ELAPOR1: variants seen among roughly 807,000 people sequenced by gnomAD.
The protein encoded by ELAPOR1 is endosome-lysosome associated apoptosis and autophagy regulator 1.
In ELAPOR1, 77 loss-of-function variants were observed where a neutral mutation model predicts 119.7. The observed-to-expected ratio is 0.64, with a 90% CI of 0.54 to 0.78. The LOEUF (loss-of-function observed/expected upper bound fraction) is 0.78. Ranked by LOEUF, ELAPOR1 falls within the 30% of genes least tolerant of loss-of-function variation. The pLI is 0.00. For synonymous variants in ELAPOR1, 481 were observed against 487.2 expected (o/e 0.99, Z 0.17); for missense variants, 1,115 against 1,270.4 (o/e 0.88, Z 1.86).
rs777889906 is a variant in ELAPOR1 at position 109,200,840 on chromosome 1, C to T, written c.2913C>T (p.Asp971=). ...CAIMEGEDVE[D]DLIFTSKKSL... is the part of the protein sequence containing the mutation. ...TCATGGAAGGCGAGGATGTAGAGGACGACCTCATCTTTACCAGCAAGAAGT... is the reference window on the plus strand; with the variant it reads ...TCATGGAAGGCGAGGATGTAGAGGATGACCTCATCTTTACCAGCAAGAAGT... The change falls in exon 21 of 22, where the codon GAC becomes GAT. Residue 971 remains aspartate (D), a synonymous_variant. Coordinates refer to ENST00000369939, the MANE Select transcript of ELAPOR1 (RefSeq NM_020775.5). The T allele has an allele frequency of 2.5e-5, 40 of 1,614,096 alleles. No individual in the cohort carries two copies. The highest frequency in any genetic ancestry group is 3.1e-5 in the Non-Finnish European group (37 of 1,180,058).
chr1:109,140,860 A>AT (rs1051349629), intron 1 of ELAPOR1, among the ~76,000 whole-genome samples: 2 of 152,062 alleles, frequency 1.3e-5, no homozygotes, highest in Non-Finnish European at 2.9e-5. Flanking sequence ...TTATTTATTT[A>AT]TTTTTTTCTG....
chr1:109,162,891 A>G (rs549301576), intron 2 of ELAPOR1, among the ~76,000 whole-genome samples: 1 of 152,380 alleles, frequency 6.6e-6, no homozygotes, highest in East Asian at 1.9e-4. Flanking sequence ...TGATGTGCAC[A>G]TGCAGTGTGA....
chr1:109,196,940 C>T (rs905170403), intron 15 of ELAPOR1, among the ~76,000 whole-genome samples: 8 of 152,150 alleles, frequency 5.3e-5, no homozygotes, highest in South Asian at 4.1e-4. Context: ...CTCGGCCTTC[C>T]GAAGTGCTGG....
chr1:109,135,696 T>TC (rs1281588203), intron 1 of ELAPOR1, among the ~76,000 whole-genome samples: 1 of 152,194 alleles, frequency 6.6e-6, no homozygotes, highest in East Asian at 1.9e-4. Context: ...CAATCCTAAA[T>TC]CCGTAGCTTA....
intron 15 of ELAPOR1, 124 bp downstream of exon 15, chr1:109,194,718 G>A (rs79758930): frequency 6.4e-6 from 5 of 782,450 alleles, no homozygotes; most frequent in Non-Finnish European, 8.2e-6. Context: ...AGCTTCAAAG[G>A]TTTTTACATA....
chr1:109,157,577 C>G (rs908217397), intron 1 of ELAPOR1, among the ~76,000 whole-genome samples: 2 of 152,176 alleles, frequency 1.3e-5, no homozygotes, highest in Non-Finnish European at 2.9e-5. Context: ...GCCTGCATAA[C>G]TATACAGCAG....
At chr1:109,129,923 G>A (rs190751986) in intron 1 of ELAPOR1, among the ~76,000 whole-genome samples, 4 of 152,284 alleles carry the variant, frequency 2.6e-5, no homozygotes, top group Non-Finnish European at 5.9e-5. Flanking sequence ...TGCAAGCCAG[G>A]AGTCTAAAAC....
chr1:109,189,174 T>A lies in ELAPOR1; in HGVS notation c.1328T>A (p.Phe443Tyr). 6.2e-7 allele frequency: 1 copy of A among 1,614,034 alleles called. No homozygotes were observed. Among genetic ancestry groups the A allele is most frequent in the Non-Finnish European group, 8.5e-7 (1 of 1,179,966 alleles). The stretch of plus-strand genomic sequence containing the variant: ...ACGACCGTTCTCAGTGGGATCAACT[T>A]CGAGTACAAGGGCATGACAGGTAAT... Reference protein sequence around the residue: ...METTVLSGINFEYKGMTGWEV... With the variant: ...METTVLSGINYEYKGMTGWEV... Residue 443 changes from phenylalanine to tyrosine, a missense_variant, in exon 10 of 22, where the codon TTC (phenylalanine) becomes TAC (tyrosine). Physicochemically the swap from Phe to Tyr is conservative, Grantham distance 22 (BLOSUM62 3). Coordinates refer to ENST00000369939, the MANE Select transcript of ELAPOR1 (RefSeq NM_020775.5).
At chr1:109,141,227 T>A (rs1449065212) in intron 1 of ELAPOR1, among the ~76,000 whole-genome samples, 1 of 152,122 alleles carries the variant, frequency 6.6e-6, no homozygotes, top group Non-Finnish European at 1.5e-5. Flanking sequence ...TATTCTAATA[T>A]AAATTGTTAG....
chr1:109,126,593 C>T (rs1648796935), intron 1 of ELAPOR1, among the ~76,000 whole-genome samples: 1 of 152,116 alleles, frequency 6.6e-6, no homozygotes, highest in Non-Finnish European at 1.5e-5. Context: ...GCCTCAGCCT[C>T]CCGGGTAACT....
intron 3 of ELAPOR1, among the ~76,000 whole-genome samples, chr1:109,169,356 C>T (rs1924760): frequency 0.44 from 66,575 of 151,970 alleles, 15,010 homozygotes; most frequent in African/African-American, 0.56. Flanking sequence ...TCTCCTGCCT[C>T]AGCCTCCTGA....
At chr1:109,177,454 C>T (rs1209457067) in intron 7 of ELAPOR1, among the ~76,000 whole-genome samples, 2 of 117,970 alleles carry the variant, frequency 1.7e-5, no homozygotes, top group East Asian at 2.7e-4. Context: ...ACATCTCAGA[C>T]GATGGGTGGC....
At chr1:109,171,273 C>CTT (rs1651905447) in intron 3 of ELAPOR1, among the ~76,000 whole-genome samples, 1 of 152,120 alleles carries the variant, frequency 6.6e-6, no homozygotes, top group Non-Finnish European at 1.5e-5. Flanking sequence ...CCTGACTAGG[C>CTT]GCAGTGGCTC....
chr1:109,198,751 G>A, intron 18 of ELAPOR1, 77 bp downstream of exon 18: 1 of 1,296,382 alleles, frequency 7.7e-7, no homozygotes, highest in South Asian at 1.3e-5. Context: ...AGAGATTACT[G>A]AAAAAGAGCA....
chr1:109,120,388 C>T (rs1290066218), intron 1 of ELAPOR1, among the ~76,000 whole-genome samples: 2 of 135,840 alleles, frequency 1.5e-5, no homozygotes, highest in Non-Finnish European at 3.0e-5. Flanking sequence ...CAGAGCAAGA[C>T]TCTGTCTTAA....
At chr1:109,192,377 C>T (rs1653493184) in intron 13 of ELAPOR1, among the ~76,000 whole-genome samples, 1 of 152,054 alleles carries the variant, frequency 6.6e-6, no homozygotes, top group Non-Finnish European at 1.5e-5. Context: ...ATTATATTTT[C>T]CCCATGGTAC....
At chr1:109,135,179 AT>A (rs1182561456) in intron 1 of ELAPOR1, among the ~76,000 whole-genome samples, 1 of 152,194 alleles carries the variant, frequency 6.6e-6, no homozygotes, top group African/African-American at 2.4e-5. Flanking sequence ...TAAAACCCAG[AT>A]TGGTAGGCCT....
chr1:109,132,443 G>T (rs1356685906), intron 1 of ELAPOR1, among the ~76,000 whole-genome samples: 1 of 152,144 alleles, frequency 6.6e-6, no homozygotes, highest in Non-Finnish European at 1.5e-5. Flanking sequence ...ACCGCACCCA[G>T]CCTGCCAGGC....
intron 1 of ELAPOR1, among the ~76,000 whole-genome samples, chr1:109,157,250 TC>T: frequency 6.6e-6 from 1 of 152,258 alleles, no homozygotes; most frequent in Non-Finnish European, 1.5e-5. Context: ...ATAGCCTGGG[TC>T]CAATCCTGGT....
Sources: gnomAD v4.1 joint callset for allele counts (sites outside exome capture counted in the v4.1 genomes callset) on GRCh38, gnomAD v4.1.1 for gene constraint, MANE v1.5 for transcripts, NCBI Gene and HGNC (gene_info 2026-07-23, HGNC 2026-07-21) for gene names.